The following KPNA1 variants were observed in gnomAD, a reference collection of about 807,000 sequenced individuals.
The protein encoded by KPNA1 is importin subunit alpha-5.
A neutral mutation model predicts 70.5 loss-of-function variants in KPNA1; 10 were observed. The ratio of observed to expected loss-of-function variants is 0.14; its 90% CI spans 0.09 to 0.24. The LOEUF (loss-of-function observed/expected upper bound fraction) is 0.24, where lower values mean the gene tolerates loss of function less well. Ranked by LOEUF, KPNA1 falls within the 10% of genes least tolerant of loss-of-function variation. The pLI is 1.00. For synonymous variants in KPNA1, 192 were observed against 221.9 expected, an observed-to-expected ratio of 0.87 and a Z score of 1.20; for missense variants, 397 against 637.9, an observed-to-expected ratio of 0.62 and a Z score of 4.07.
At chr3:122,443,911 G>A (rs751477684) in intron 9 of KPNA1, among the ~76,000 whole-genome samples, 1 of 152,210 alleles carries the variant, frequency 6.6e-6, no homozygotes, top group Non-Finnish European at 1.5e-5. Flanking sequence ...ATCTTAACAA[G>A]AAACAGTGTT....
At position 122,422,212 on chromosome 3, in the gene KPNA1, G is replaced by A. The variant is rs576565427; in HGVS notation, c.*4773C>T. On this transcript the variant is annotated 3_prime_UTR_variant, in exon 14 of 14. Transcript: ENST00000344337. ...GGAAGAAGTAGACTGTGTTAAATTC[G>A]CATCCATGGCACTGCTTCCTGAGGC... 1.3e-5 allele frequency: 2 copies of A among 152,116 alleles called. No individual in the cohort carries two copies. Among genetic ancestry groups the A allele is most frequent in the Non-Finnish European group, 2.9e-5 (2 of 68,022 alleles). 9.4% of individuals were successfully genotyped at this position (152,116 alleles called of 1,614,324 possible). A position where few individuals can be genotyped will look rare whatever the true frequency, so the allele number is the denominator to read the frequency against.
intron 2 of KPNA1, among the ~76,000 whole-genome samples, chr3:122,492,239 G>A (rs893912294): frequency 3.9e-5 from 6 of 152,176 alleles, no homozygotes; most frequent in Admixed American, 3.9e-4. Context: ...CAGCGTGCCA[G>A]TACAACTTTT....
At chr3:122,512,805 T>TA (rs1400667867) in intron 1 of KPNA1, among the ~76,000 whole-genome samples, 1 of 152,246 alleles carries the variant, frequency 6.6e-6, no homozygotes, top group Non-Finnish European at 1.5e-5. Flanking sequence ...ATTCTAGGTT[T>TA]TCATAAATGT....
chr3:122,429,749 C>T (rs1379696756), intron 12 of KPNA1, among the ~76,000 whole-genome samples: 1 of 151,992 alleles, frequency 6.6e-6, no homozygotes, highest in South Asian at 2.1e-4. Context: ...ATAGTCAATA[C>T]AATACTGAAG....
intron 6 of KPNA1, among the ~76,000 whole-genome samples, chr3:122,453,624 C>G (rs2076235622): frequency 6.6e-6 from 1 of 152,012 alleles, no homozygotes; most frequent in South Asian, 2.1e-4. Context: ...GTAACCTCCA[C>G]CTCTCGGGTT....
chr3:122,451,968 A>T lies in KPNA1; in HGVS notation c.653+8T>A. 6.5e-7 allele frequency: 1 copy of T among 1,529,490 alleles called. No homozygotes were observed. The highest frequency in any genetic ancestry group is 8.9e-7 in the Non-Finnish European group (1 of 1,118,946). 94.7% of individuals were successfully genotyped at this position (1,529,490 alleles called of 1,614,324 possible). Reference sequence around the variant, plus strand: ...GAAAAAAAAAGGAAGAAGGAAGAAGAAACTTACTGCAAAAGAGGGGGAAGG... The same window carrying T: ...GAAAAAAAAAGGAAGAAGGAAGAAGTAACTTACTGCAAAAGAGGGGGAAGG... On this transcript the variant is annotated splice_region_variant and intron_variant, in intron 7 of 13. Coordinates refer to ENST00000344337, the MANE Select transcript of KPNA1 (RefSeq NM_002264.4).
chr3:122,458,041 A>C (rs184526184), intron 5 of KPNA1, among the ~76,000 whole-genome samples: 4 of 152,364 alleles, frequency 2.6e-5, no homozygotes, highest in Admixed American at 2.0e-4. Flanking sequence ...GGGACAAGAA[A>C]GGCAGAAAAG....
intron 2 of KPNA1, among the ~76,000 whole-genome samples, chr3:122,475,773 T>C (rs1224762390): frequency 1.3e-5 from 2 of 152,330 alleles, no homozygotes; most frequent in East Asian, 3.9e-4. Context: ...ATATATGTAT[T>C]ATATGCTGTA....
chr3:122,467,683 T>C (rs2076396947), intron 2 of KPNA1, among the ~76,000 whole-genome samples: 1 of 151,456 alleles, frequency 6.6e-6, no homozygotes, highest in Admixed American at 6.6e-5. Context: ...TCTGACACTA[T>C]ATGACATTAA....
In KPNA1 at chr3:122,422,125, A is replaced by C. The variant is rs532204432; in HGVS notation, c.*4860T>G. 9.8e-5 allele frequency: 15 copies of C among 152,368 alleles called. No individual in the cohort carries two copies. Among genetic ancestry groups the C allele is most frequent in the African/African-American group, 3.4e-4 (14 of 41,578 alleles). 9.4% of individuals were successfully genotyped at this position (152,368 alleles called of 1,614,324 possible). A position where few individuals can be genotyped will look rare whatever the true frequency, so the allele number is the denominator to read the frequency against. On this transcript the variant is annotated 3_prime_UTR_variant, in exon 14 of 14. Coordinates refer to ENST00000344337, the MANE Select transcript of KPNA1 (RefSeq NM_002264.4). The stretch of plus-strand genomic sequence containing the variant: ...GACTTGAGGTAAAGCAGAAACACTC[A>C]ACAACCAGTACATTAAAAGGTGATT...
At chr3:122,439,461 A>C (rs953208054) in intron 10 of KPNA1, among the ~76,000 whole-genome samples, 7 of 152,104 alleles carry the variant, frequency 4.6e-5, no homozygotes, top group Non-Finnish European at 1.0e-4. Flanking sequence ...AAAAGCTAGG[A>C]ATACAAGCAT....
intron 1 of KPNA1, among the ~76,000 whole-genome samples, chr3:122,499,521 G>A (rs1334399919): frequency 6.6e-6 from 1 of 151,970 alleles, no homozygotes; most frequent in Non-Finnish European, 1.5e-5. Flanking sequence ...GGGAGGTTAA[G>A]GCGGGAGTAT....
chr3:122,441,227 C>T (rs992759000), intron 10 of KPNA1, among the ~76,000 whole-genome samples: 1 of 152,198 alleles, frequency 6.6e-6, no homozygotes, highest in African/African-American at 2.4e-5. Context: ...AAGACTTCAA[C>T]ATCACAACAC....
rs17201246 is a variant in KPNA1 at position 122,426,623 on chromosome 3, C to A, written c.*362G>T. On this transcript the variant is annotated 3_prime_UTR_variant, in exon 14 of 14. Transcript: ENST00000344337. ...TCATCTTTTAATGTCAGTTTTTTCC[C>A]CCATGTTAAAGGGAATGAGGAGGAG... The A allele has an allele frequency of 0.13, 23,951 of 178,330 alleles. 1,716 individuals carry two copies. Among genetic ancestry groups the A allele is most frequent in the Middle Eastern group, 0.27 (113 of 414 alleles). The allele number at this position is 178,330 out of a possible 1,614,324, so 11.0% of individuals were successfully genotyped here. A position where few individuals can be genotyped will look rare whatever the true frequency, so the allele number is the denominator to read the frequency against.
chr3:122,452,159 G>A, intron 6 of KPNA1, 95 bp from the exon 7 acceptor site: 1 of 810,530 alleles, frequency 1.2e-6, no homozygotes, highest in East Asian at 2.5e-5. Context: ...GTTCATCAGG[G>A]AGTCAAATGA....
chr3:122,422,333 A>G lies in KPNA1; in HGVS notation c.*4652T>C, dbSNP rs548894469. Reference sequence around the variant, plus strand: ...TTTAGCCATTATTTTACTAAACACAAAATCATTTGCACAAAAAAAAAAAAA... The same window carrying G: ...TTTAGCCATTATTTTACTAAACACAGAATCATTTGCACAAAAAAAAAAAAA... On this transcript the variant is annotated 3_prime_UTR_variant, in exon 14 of 14. Transcript: ENST00000344337. 2 of 146,252 alleles carry G rather than the reference A, an allele frequency of 1.4e-5. No homozygotes were observed. The highest frequency in any genetic ancestry group is 4.1e-4 in the East Asian group (2 of 4,878). The allele number at this position is 146,252 out of a possible 1,614,324, so 9.1% of individuals were successfully genotyped here.
chr3:122,503,780 AC>A (rs964853851), intron 1 of KPNA1, among the ~76,000 whole-genome samples: 6 of 152,196 alleles, frequency 3.9e-5, no homozygotes, highest in African/African-American at 1.4e-4. Flanking sequence ...GGATAAACAC[AC>A]TTGGTGATGG....
chr3:122,514,738 G>GCAAGGCCCCAGCACTCACCAGGCT lies in KPNA1; in HGVS notation c.-11_-6+18dup, dbSNP rs1329652585. Reference sequence around the variant, plus strand: ...GGCGGGAGGGGGAGGGGCCGGGGCCGCAAGGCCCCAGCACTCACCAGGCTC... The same window carrying GCAAGGCCCCAGCACTCACCAGGCT: ...GGCGGGAGGGGGAGGGGCCGGGGCCGCAAGGCCCCAGCACTCACCAGGCTCAAGGCCCCAGCACTCACCAGGCTC... On this transcript the variant is annotated intron_variant, in intron 1 of 13. Coordinates refer to ENST00000344337, the MANE Select transcript of KPNA1 (RefSeq NM_002264.4). 1 of 152,352 alleles carries GCAAGGCCCCAGCACTCACCAGGCT rather than the reference G, an allele frequency of 6.6e-6. No individual in the cohort carries two copies. The highest frequency in any genetic ancestry group is 1.5e-5 in the Non-Finnish European group (1 of 68,318). 9.4% of individuals were successfully genotyped at this position (152,352 alleles called of 1,614,324 possible).
intron 1 of KPNA1, among the ~76,000 whole-genome samples, chr3:122,512,826 GC>G (rs375881715): frequency 1.7e-4 from 26 of 152,202 alleles, no homozygotes; most frequent in African/African-American, 6.3e-4. Context: ...ATGTTTTGTT[GC>G]CCTACAGGAC....
Sources: gnomAD v4.1 joint callset for allele counts (sites outside exome capture counted in the v4.1 genomes callset) on GRCh38, gnomAD v4.1.1 for gene constraint, MANE v1.5 for transcripts, NCBI Gene and HGNC (gene_info 2026-07-23, HGNC 2026-07-21) for gene names.